The following PTPRO variants were observed in gnomAD, a reference collection of about 807,000 sequenced individuals.
PTPRO encodes receptor-type tyrosine-protein phosphatase O.
PTPRO carries 62 observed loss-of-function variants against 145.2 expected under a neutral mutation model. That is an observed-to-expected ratio of 0.43 (90% CI 0.35 to 0.53). The LOEUF is 0.53. Ranked by LOEUF, PTPRO falls within the 20% of genes least tolerant of loss-of-function variation. The pLI is 0.01. For missense variants in PTPRO, 1,345 were observed against 1,482.7 expected (o/e 0.91, Z 1.53); for synonymous variants, 565 against 514.7 (o/e 1.10, Z -1.32).
chr12:15,579,642 C>T (rs1427691378), intron 20 of PTPRO, among the ~76,000 whole-genome samples: 1 of 152,194 alleles, frequency 6.6e-6, no homozygotes, highest in East Asian at 1.9e-4. Context: ...GAAACCCATG[C>T]ATCTTCTGTT....
At chr12:15,546,839 T>C in intron 13 of PTPRO, 131 bp downstream of exon 13, 1 of 1,308,354 alleles carries the variant, frequency 7.6e-7, no homozygotes, top group Non-Finnish European at 1.1e-6. Flanking sequence ...TGTGTTTCAC[T>C]GATAGAAATT....
chr12:15,579,964 A>G, intron 20 of PTPRO, 75 bp from the exon 21 acceptor site: 1 of 1,140,150 alleles, frequency 8.8e-7, no homozygotes, highest in Non-Finnish European at 1.3e-6. Context: ...TTAACTTAAT[A>G]TTGGATAGAA....
chr12:15,583,767 C>A (rs746702766), intron 23 of PTPRO, among the ~76,000 whole-genome samples: 2 of 152,000 alleles, frequency 1.3e-5, no homozygotes, highest in East Asian at 3.9e-4. Context: ...AAAGATTGCC[C>A]GTATCAATAC....
At chr12:15,444,324 G>A (rs1940846845) in intron 1 of PTPRO, among the ~76,000 whole-genome samples, 1 of 151,954 alleles carries the variant, frequency 6.6e-6, no homozygotes, top group African/African-American at 2.4e-5. Flanking sequence ...CAGACAATGG[G>A]GACTACTCAA....
chr12:15,378,889 G>A (rs990210179), intron 1 of PTPRO, among the ~76,000 whole-genome samples: 3 of 152,004 alleles, frequency 2.0e-5, no homozygotes, highest in African/African-American at 4.8e-5. Context: ...GACATTTTTC[G>A]AAAGAAGATA....
intron 1 of PTPRO, among the ~76,000 whole-genome samples, chr12:15,354,589 C>G (rs1937923782): frequency 6.6e-6 from 1 of 152,160 alleles, no homozygotes. Flanking sequence ...AGTAGCTTCA[C>G]TCATCTAAGA....
chr12:15,408,889 A>T (rs566304578), intron 1 of PTPRO, among the ~76,000 whole-genome samples: 2 of 152,156 alleles, frequency 1.3e-5, no homozygotes, highest in Non-Finnish European at 2.9e-5. Context: ...CATTTGTCCA[A>T]TCTCTCCAAC....
intron 1 of PTPRO, among the ~76,000 whole-genome samples, chr12:15,396,815 C>T (rs776953780): frequency 1.1e-4 from 17 of 152,064 alleles, no homozygotes; most frequent in Non-Finnish European, 2.2e-4. Context: ...TGAGCATTTA[C>T]AATAAAAATG....
At chr12:15,493,913 G>T (rs184279768) in intron 2 of PTPRO, among the ~76,000 whole-genome samples, 1 of 152,240 alleles carries the variant, frequency 6.6e-6, no homozygotes, top group African/African-American at 2.4e-5. Context: ...TTATATAGTT[G>T]CAAAACGGAC....
chr12:15,371,805 G>A (rs1323536877), intron 1 of PTPRO, among the ~76,000 whole-genome samples: 1 of 152,132 alleles, frequency 6.6e-6, no homozygotes. Context: ...TTCTGACAGT[G>A]AATGAGTTCT....
At chr12:15,384,283 T>C (rs1472810941) in intron 1 of PTPRO, among the ~76,000 whole-genome samples, 1 of 152,180 alleles carries the variant, frequency 6.6e-6, no homozygotes, top group East Asian at 1.9e-4. Context: ...AGTAGTGGGA[T>C]TGCTGGATTA....
At chr12:15,458,324 T>C (rs1423213060) in intron 1 of PTPRO, among the ~76,000 whole-genome samples, 1 of 152,118 alleles carries the variant, frequency 6.6e-6, no homozygotes, top group Non-Finnish European at 1.5e-5. Context: ...TTATAATGCA[T>C]CTCAGTGTGG....
At chr12:15,547,868 G>A (rs1943336332) in intron 13 of PTPRO, among the ~76,000 whole-genome samples, 1 of 152,038 alleles carries the variant, frequency 6.6e-6, no homozygotes, top group African/African-American at 2.4e-5. Flanking sequence ...TTTATGCAAG[G>A]GTGTTTCAAA....
intron 18 of PTPRO, among the ~76,000 whole-genome samples, chr12:15,566,691 T>C (rs1316417567): frequency 6.6e-6 from 1 of 152,052 alleles, no homozygotes; most frequent in African/African-American, 2.4e-5. Flanking sequence ...TGGCTGATTT[T>C]TGTATTTTTA....
At chr12:15,580,220 C>G in intron 21 of PTPRO, 105 bp downstream of exon 21, 1 of 878,028 alleles carries the variant, frequency 1.1e-6, no homozygotes, top group Non-Finnish European at 1.8e-6. Flanking sequence ...CCTTTCCCAA[C>G]CCAGCAATTG....
chr12:15,445,640 A>G (rs372026073), intron 1 of PTPRO, among the ~76,000 whole-genome samples: 20 of 152,160 alleles, frequency 1.3e-4, no homozygotes, highest in African/African-American at 4.1e-4. Flanking sequence ...ACAATCAATC[A>G]TGTGCTTACA....
At chr12:15,448,459 G>A in intron 1 of PTPRO, among the ~76,000 whole-genome samples, 1 of 149,594 alleles carries the variant, frequency 6.7e-6, no homozygotes, top group East Asian at 2.0e-4. Flanking sequence ...TCAGACATTT[G>A]TTGGATGTTT....
At chr12:15,422,736 T>C (rs936398718) in intron 1 of PTPRO, among the ~76,000 whole-genome samples, 1 of 152,150 alleles carries the variant, frequency 6.6e-6, no homozygotes, top group Non-Finnish European at 1.5e-5. Context: ...ATTTAGGAAA[T>C]GTTTGCTATA....
intron 4 of PTPRO, 33 bp from the exon 5 acceptor site, chr12:15,501,587 A>G: frequency 1.3e-6 from 2 of 1,568,834 alleles, no homozygotes; most frequent in Non-Finnish European, 1.8e-6. Flanking sequence ...TGAATTAAAA[A>G]ATACTTGAAA....
Sources: gnomAD v4.1 joint callset for allele counts (sites outside exome capture counted in the v4.1 genomes callset) on GRCh38, gnomAD v4.1.1 for gene constraint, MANE v1.5 for transcripts, NCBI Gene and HGNC (gene_info 2026-07-23, HGNC 2026-07-21) for gene names.